CLDN14: variants seen among roughly 807,000 people sequenced by gnomAD.
CLDN14 encodes the protein claudin-14.
Under a neutral mutation model 2.1 loss-of-function variants are expected in CLDN14, and 2 were observed. The ratio of observed to expected loss-of-function variants is 0.96; its 90% CI spans 0.39 to 3.01. The LOEUF is 3.01. Among genes scored for constraint, CLDN14 ranks in the 30% most tolerant of loss-of-function variants. The probability of loss-of-function intolerance (pLI) is 0.09; values close to 1 mark genes in which losing one functional copy is unlikely to be tolerated. For missense variants in CLDN14, 298 were observed against 328.0 expected, an observed-to-expected ratio of 0.91 and a Z score of 0.71; for synonymous variants, 136 against 154.4, an observed-to-expected ratio of 0.88 and a Z score of 0.88.
rs74315437 is a variant in CLDN14 at position 36,461,442 on chromosome 21, A to T, written c.254T>A (p.Val85Asp). The T allele has an allele frequency of 9.9e-6, 16 of 1,613,198 alleles. No homozygotes were observed. The South Asian group carries it at 1.8e-4, about 18-fold the overall frequency. ...QDLQAARALMVISCLLSGIAC... is the reference protein window; with the variant it reads ...QDLQAARALMDISCLLSGIAC... The stretch of plus-strand genomic sequence containing the variant: ...TATGCCCGAGAGCAGGCAGGAGATG[A>T]CCATGAGGGCGCGGGCAGCCTGGAG... The change falls in exon 2 of 2, where the codon GTC (valine) becomes GAC (aspartate). Residue 85 changes from valine (V) to aspartate (D), a missense_variant. Physicochemically the swap from Val to Asp is radical, Grantham distance 152. Transcript: ENST00000399135.
intron 1 of CLDN14, among the ~76,000 whole-genome samples, chr21:36,540,237 G>T (rs2087476997): frequency 6.6e-6 from 1 of 152,060 alleles, no homozygotes. Context: ...AAATGGCGTA[G>T]TGTTTGCATG....
rs147498900 is a variant in CLDN14 at position 36,499,587 on chromosome 21, C to T, written c.-82+10776G>A. ...TACCAGGGCCCCAACCCAGACCTAC[C>T]GAATCAGAATTTCAGGAGGGGAGGT... On this transcript the variant is annotated intron_variant, in intron 2 of 2. Coordinates refer to the CLDN14 transcript ENST00000342108. The surrounding 1 kb of genome is among the most constrained non-coding windows in gnomAD (Gnocchi z 4.7). 1.2e-4 allele frequency among the ~76,000 whole-genome samples: 19 copies of T among 152,214 alleles called. No homozygotes were observed. The highest frequency in any genetic ancestry group is 2.1e-4 in the Non-Finnish European group (14 of 68,010).
intron 1 of CLDN14, among the ~76,000 whole-genome samples, chr21:36,550,342 C>T (rs1346086219): frequency 1.3e-5 from 2 of 152,176 alleles, no homozygotes; most frequent in East Asian, 1.9e-4. Flanking sequence ...CACCATGATA[C>T]CAACTTGGCT....
intron 2 of CLDN14, among the ~76,000 whole-genome samples, chr21:36,489,141 T>A (rs1400421118): frequency 5.6e-4 from 66 of 118,444 alleles, no homozygotes; most frequent in Middle Eastern, 4.8e-3. Context: ...AATATATATA[T>A]ATATATATAT....
intron 1 of CLDN14, among the ~76,000 whole-genome samples, chr21:36,521,449 A>C (rs1165512751): frequency 6.6e-6 from 1 of 152,232 alleles, no homozygotes; most frequent in Admixed American, 6.5e-5. Flanking sequence ...CATTGAGTTA[A>C]GAAATATAGC....
At chr21:36,496,728 AGGAAGGGAG>A in intron 2 of CLDN14, among the ~76,000 whole-genome samples, 1 of 10,544 alleles carries the variant, frequency 9.5e-5, no homozygotes, top group Non-Finnish European at 3.6e-4. Flanking sequence ...GAAGGGAGGG[AGGAAGGGAG>A]GGAGGAAGGA....
At chr21:36,519,738 C>A (rs200562791) in intron 1 of CLDN14, among the ~76,000 whole-genome samples, 36 of 112,784 alleles carry the variant, frequency 3.2e-4, no homozygotes, top group African/African-American at 7.6e-4. Context: ...AACAACAAAA[C>A]CCCAAAAACA....
intron 1 of CLDN14, among the ~76,000 whole-genome samples, chr21:36,554,996 C>G (rs2087588674): frequency 6.6e-6 from 1 of 152,324 alleles, no homozygotes; most frequent in South Asian, 2.1e-4. Flanking sequence ...CTGCAGGGTC[C>G]CCTGAGAGCA....
chr21:36,511,296 T>A (rs545693105), intron 1 of CLDN14, among the ~76,000 whole-genome samples: 1 of 152,336 alleles, frequency 6.6e-6, no homozygotes, highest in South Asian at 2.1e-4. Flanking sequence ...CAGCCCTGTT[T>A]GGAAGCACAA....
intron 1 of CLDN14, among the ~76,000 whole-genome samples, chr21:36,548,063 C>T (rs73380014): frequency 6.6e-6 from 1 of 152,052 alleles, no homozygotes; most frequent in Non-Finnish European, 1.5e-5. Context: ...GGCTTTTTGT[C>T]AGTCCCTTGG....
At chr21:36,555,530 A>C (rs1395959824) in intron 1 of CLDN14, among the ~76,000 whole-genome samples, 1 of 152,234 alleles carries the variant, frequency 6.6e-6, no homozygotes, top group Non-Finnish European at 1.5e-5. Context: ...AAAACCAAAG[A>C]GTGCAGGAGC....
chr21:36,512,768 G>A (rs780188220), intron 1 of CLDN14, among the ~76,000 whole-genome samples: 7 of 152,178 alleles, frequency 4.6e-5, no homozygotes, highest in African/African-American at 1.4e-4. Flanking sequence ...AGGAAAGCAC[G>A]TGGAAAAAGA....
In CLDN14 at chr21:36,498,544, T is replaced by G. The variant is rs992810048; in HGVS notation, c.-82+11819A>C. On this transcript the variant is annotated intron_variant, in intron 2 of 2. Coordinates refer to the CLDN14 transcript ENST00000342108. The surrounding 1 kb of genome is among the most constrained non-coding windows in gnomAD (Gnocchi z 4.9). ...CAGTCTCAGATTGGATACATGCACT[T>G]AATATCAGCAGACTTGTTGTGAGTA... is the stretch of plus-strand genomic sequence containing the variant. 6.6e-5 allele frequency among the ~76,000 whole-genome samples: 10 copies of G among 152,164 alleles called. No homozygotes were observed. The highest frequency in any genetic ancestry group is 2.4e-4 in the African/African-American group (10 of 41,452).
chr21:36,554,722 C>T (rs868673365), intron 1 of CLDN14, among the ~76,000 whole-genome samples: 1 of 152,074 alleles, frequency 6.6e-6, no homozygotes, highest in Non-Finnish European at 1.5e-5. Flanking sequence ...GATGTCTTAC[C>T]GCCCCACCAC....
At chr21:36,517,866 G>A (rs4375954) in intron 1 of CLDN14, among the ~76,000 whole-genome samples, 12,571 of 152,052 alleles carry the variant, frequency 0.083, 1,254 homozygotes, top group African/African-American at 0.24. Flanking sequence ...ATGTGGGTGG[G>A]GCTCACCCAA....
At chr21:36,528,029 G>T (rs948665397) in intron 1 of CLDN14, among the ~76,000 whole-genome samples, 1 of 152,102 alleles carries the variant, frequency 6.6e-6, no homozygotes, top group Non-Finnish European at 1.5e-5. Flanking sequence ...CAAAGTCATT[G>T]TCAAATTTTA....
chr21:36,563,464 G>C (rs1186173028), intron 1 of CLDN14, among the ~76,000 whole-genome samples: 1 of 151,890 alleles, frequency 6.6e-6, no homozygotes, highest in Non-Finnish European at 1.5e-5. Flanking sequence ...TGTAAACATG[G>C]GTCTGAGGTT....
intron 1 of CLDN14, chr21:36,532,363 G>A (rs1444629300): frequency 2.0e-5 from 3 of 147,618 alleles, no homozygotes; most frequent in Non-Finnish European, 4.5e-5. Flanking sequence ...ATATACAATT[G>A]TTACATGTCA....
At chr21:36,548,787 A>T (rs1455560491) in intron 1 of CLDN14, among the ~76,000 whole-genome samples, 1 of 152,152 alleles carries the variant, frequency 6.6e-6, no homozygotes, top group African/African-American at 2.4e-5. Context: ...GAGCTCCTCC[A>T]GGGTGATCTG....
Sources: gnomAD v4.1 joint callset for allele counts (sites outside exome capture counted in the v4.1 genomes callset) on GRCh38, gnomAD v4.1.1 for gene constraint, Gnocchi (gnomAD v3.1) non-coding constraint, MANE v1.5 for transcripts, NCBI Gene and HGNC (gene_info 2026-07-23, HGNC 2026-07-21) for gene names.